The following RBFOX1 variants were observed in gnomAD, a reference collection of about 807,000 sequenced individuals.
RBFOX1 encodes RNA binding fox-1 homolog 1.
RBFOX1 carries 8 observed loss-of-function variants against 57.7 expected under a neutral mutation model. The ratio of observed to expected loss-of-function variants is 0.14; its 90% CI spans 0.08 to 0.25. RBFOX1 has a LOEUF of 0.25. RBFOX1 is among the 10% of genes least tolerant of loss of function. The pLI is 1.00. For missense variants in RBFOX1, 611 were observed against 548.5 expected, an observed-to-expected ratio of 1.11 and a Z score of -1.14; for synonymous variants, 326 against 222.4, an observed-to-expected ratio of 1.47 and a Z score of -4.15.
At chr16:7,495,439 G>T (rs963628834) in intron 4 of RBFOX1, among the ~76,000 whole-genome samples, 2 of 152,192 alleles carry the variant, frequency 1.3e-5, no homozygotes, top group African/African-American at 4.8e-5. Flanking sequence ...CCCACCAAAA[G>T]TGTATCAGCC....
At chr16:6,001,920 G>A (rs886951121) in intron 4 of RBFOX1, among the ~76,000 whole-genome samples, 1 of 151,496 alleles carries the variant, frequency 6.6e-6, no homozygotes, top group Non-Finnish European at 1.5e-5. Context: ...GATTACTGTA[G>A]GGCTAGAAAT....
At chr16:7,468,282 CT>C (rs1419319678) in intron 4 of RBFOX1, among the ~76,000 whole-genome samples, 2 of 152,190 alleles carry the variant, frequency 1.3e-5, no homozygotes, top group African/African-American at 4.8e-5. Flanking sequence ...AGTGTATGCT[CT>C]GGCACCTTAT....
chr16:6,950,342 T>A lies in RBFOX1; in HGVS notation c.-15-101715T>A, dbSNP rs2080458312. Among the ~76,000 whole-genome samples the A allele has an allele frequency of 2.0e-5, 3 of 152,026 alleles. 1 individual carries two copies. The highest frequency in any genetic ancestry group is 2.0e-4 in the Admixed American group (3 of 15,254). On this transcript the variant is annotated intron_variant, in intron 3 of 15. Coordinates refer to ENST00000550418, the MANE Select transcript of RBFOX1 (RefSeq NM_018723.4). ...ACACCCATTGCTTTATCCCATAGAATCACAGTTACTTGTGTGGATCTCTGT... is the reference window on the plus strand; with the variant it reads ...ACACCCATTGCTTTATCCCATAGAAACACAGTTACTTGTGTGGATCTCTGT...
intron 3 of RBFOX1, among the ~76,000 whole-genome samples, chr16:6,974,186 A>C (rs1238388765): frequency 5.3e-5 from 8 of 151,868 alleles, no homozygotes. Context: ...ATCATTGCTG[A>C]GCATTTGTTT....
intron 3 of RBFOX1, among the ~76,000 whole-genome samples, chr16:7,033,281 A>G (rs1289532890): frequency 2.6e-5 from 4 of 152,030 alleles, no homozygotes; most frequent in Admixed American, 6.6e-5. Flanking sequence ...GAACTTTGGG[A>G]GGCCGAGGCG....
chr16:7,420,884 TATATATATATATACACACATATATATAC>T (rs1347331961), intron 4 of RBFOX1, among the ~76,000 whole-genome samples: 1 of 83,748 alleles, frequency 1.2e-5, no homozygotes, highest in East Asian at 3.9e-4. Context: ...TCTTTTAAAA[TATATATATATATACACACATATATATAC>T]ATATATATAT....
intron 4 of RBFOX1, among the ~76,000 whole-genome samples, chr16:5,976,979 C>T (rs1290915967): frequency 1.3e-5 from 2 of 152,158 alleles, no homozygotes; most frequent in Non-Finnish European, 2.9e-5. Flanking sequence ...TTCTCAAAGT[C>T]TGATCTTTGA....
At chr16:6,780,557 C>CATATATATTTAT (rs1567218604) in intron 3 of RBFOX1, among the ~76,000 whole-genome samples, 1,456 of 119,356 alleles carry the variant, frequency 0.012, 21 homozygotes, top group Non-Finnish European at 0.015. Context: ...TATATATTTA[C>CATATATATTTAT]ATATTTATAT....
intron 5 of RBFOX1, among the ~76,000 whole-genome samples, chr16:7,544,083 G>A (rs1175221259): frequency 6.6e-6 from 1 of 152,208 alleles, no homozygotes; most frequent in East Asian, 1.9e-4. Flanking sequence ...AAGTGAGAGA[G>A]AATCCTCATT....
At chr16:7,216,605 C>A (rs1477133382) in intron 4 of RBFOX1, among the ~76,000 whole-genome samples, 1 of 152,104 alleles carries the variant, frequency 6.6e-6, no homozygotes, top group East Asian at 1.9e-4. Flanking sequence ...TTGCAGTGAG[C>A]CCAGATCGTA....
Position 6,536,504 on chromosome 16 carries a change from G to A in RBFOX1, c.-63-118099G>A, listed in dbSNP as rs1251745961. ...ATCAGAGTAATGTGGCTTTGATGAT[G>A]TACTGCATTTTAAATTAGCTCTGTC... On this transcript the variant is annotated intron_variant, in intron 2 of 15. Coordinates refer to ENST00000550418, the MANE Select transcript of RBFOX1 (RefSeq NM_018723.4). Among the ~76,000 whole-genome samples the A allele has an allele frequency of 2.6e-5, 4 of 151,882 alleles. No individual in the cohort carries two copies. In the East Asian group the frequency reaches 5.8e-4, roughly 22 times the overall value.
chr16:6,235,258 C>G (rs1237809387), intron 1 of RBFOX1, among the ~76,000 whole-genome samples: 1 of 152,062 alleles, frequency 6.6e-6, no homozygotes, highest in East Asian at 1.9e-4. Flanking sequence ...TCTCGGAAGG[C>G]CTAACTCCCC....
chr16:5,248,518 T>G (rs1460663897), intron 1 of RBFOX1, among the ~76,000 whole-genome samples: 6 of 152,210 alleles, frequency 3.9e-5, no homozygotes, highest in African/African-American at 9.7e-5. Context: ...GTTCCTGCCT[T>G]AGCTTCTCTA....
intron 3 of RBFOX1, among the ~76,000 whole-genome samples, chr16:6,770,414 G>T (rs530384952): frequency 1.3e-5 from 2 of 152,186 alleles, no homozygotes; most frequent in African/African-American, 2.4e-5. Context: ...CTGTAATAAA[G>T]TTGTATTATG....
intron 14 of RBFOX1, 131 bp from the exon 15 acceptor site, chr16:7,708,925 G>C (rs2083378545): frequency 2.7e-6 from 2 of 747,826 alleles, no homozygotes; most frequent in South Asian, 3.3e-5. Context: ...CTACACAGCA[G>C]AGTAGAATTT....
intron 3 of RBFOX1, among the ~76,000 whole-genome samples, chr16:5,715,658 G>C (rs546544033): frequency 6.6e-6 from 1 of 152,282 alleles, no homozygotes; most frequent in African/African-American, 2.4e-5. Flanking sequence ...AAGGCATGAA[G>C]GCTAAAGGCT....
chr16:5,991,310 T>A (rs573072124), intron 4 of RBFOX1, among the ~76,000 whole-genome samples: 33 of 152,286 alleles, frequency 2.2e-4, no homozygotes, highest in African/African-American at 7.7e-4. Context: ...GTCTCCCAGG[T>A]CTGATTGCAC....
intron 3 of RBFOX1, among the ~76,000 whole-genome samples, chr16:6,935,365 G>T (rs1412181095): frequency 6.6e-6 from 1 of 152,118 alleles, no homozygotes; most frequent in African/African-American, 2.4e-5. Context: ...CCCATGAATA[G>T]AATAGAATGT....
In RBFOX1 at chr16:5,902,107, C is replaced by G. The variant is rs17138824; in HGVS notation, c.351+34772C>G. Among the ~76,000 whole-genome samples the G allele has an allele frequency of 4.6e-3, 702 of 152,314 alleles. 7 individuals are homozygous for G. Among genetic ancestry groups the G allele is most frequent in the African/African-American group, 0.015 (640 of 41,544 alleles). On this transcript the variant is annotated intron_variant, in intron 4 of 19. Transcript: ENST00000641259. ...TATTCCCTCTTTTGAACTGTAAGCT[C>G]TAAATACTGTCAATTACCCATTATT...
Sources: gnomAD v4.1 joint callset for allele counts (sites outside exome capture counted in the v4.1 genomes callset) on GRCh38, gnomAD v4.1.1 for gene constraint, MANE v1.5 for transcripts, NCBI Gene and HGNC (gene_info 2026-07-23, HGNC 2026-07-21) for gene names.